The following MAP4K3 variants were observed in gnomAD, a reference collection of about 807,000 sequenced individuals.
MAP4K3 encodes the protein MAPK/ERK kinase kinase kinase 3.
Under a neutral mutation model 143.5 loss-of-function variants are expected in MAP4K3, and 94 were observed. That is an observed-to-expected ratio of 0.65 (90% CI 0.55 to 0.78). The LOEUF (loss-of-function observed/expected upper bound fraction) is 0.78. Ranked by LOEUF, MAP4K3 falls within the 30% of genes least tolerant of loss-of-function variation. MAP4K3 has a pLI of 0.00. For synonymous variants in MAP4K3, 416 were observed against 347.2 expected, an observed-to-expected ratio of 1.20 and a Z score of -2.20; for missense variants, 1,077 against 1,068.1, an observed-to-expected ratio of 1.01 and a Z score of -0.12.
At chr2:39,264,633 T>C (rs1008977719) in intron 28 of MAP4K3, among the ~76,000 whole-genome samples, 4 of 152,232 alleles carry the variant, frequency 2.6e-5, no homozygotes, top group African/African-American at 9.6e-5. Flanking sequence ...ATTTCCTTGA[T>C]GTAATTAACT....
chr2:39,339,601 C>T (rs1443695144), intron 4 of MAP4K3, among the ~76,000 whole-genome samples: 1 of 152,120 alleles, frequency 6.6e-6, no homozygotes. Flanking sequence ...AGAGCTAAAA[C>T]AAACACCCAC....
chr2:39,436,841 G>C, intron 1 of MAP4K3, 51 bp downstream of exon 1: 3 of 1,516,718 alleles, frequency 2.0e-6, no homozygotes, highest in Non-Finnish European at 2.7e-6. Flanking sequence ...CCCAGGCTTG[G>C]CTGCGGGTCG....
Position 39,272,368 on chromosome 2 carries a change from G to C in MAP4K3, c.1888C>G (p.Pro630Ala). Reference sequence around the variant, plus strand: ...TGTCTTGCATAATCAAAAAGCCCTGGTAAATTATGGGAATAAAGCTGAGAA... The same window carrying C: ...TGTCTTGCATAATCAAAAAGCCCTGCTAAATTATGGGAATAAAGCTGAGAA... ...KASQLYSHNL[P>A]GLFDYARQMQ... Residue 630 changes from proline (P) to alanine (A), a missense_variant, in exon 26 of 34, where the codon CCA becomes GCA. Physicochemically the swap from Pro to Ala is conservative, Grantham distance 27 (BLOSUM62 -1). Transcript: ENST00000263881. The C allele has an allele frequency of 1.9e-6, 3 of 1,613,644 alleles. No homozygotes were observed. Among genetic ancestry groups the C allele is most frequent in the Non-Finnish European group, 2.5e-6 (3 of 1,179,776 alleles).
rs945560433 is a variant in MAP4K3, at chr2:39,249,877, T to G, written c.*741A>C. The G allele has an allele frequency of 1.3e-5, 2 of 152,474 alleles. No homozygotes were observed. Among genetic ancestry groups the G allele is most frequent in the African/African-American group, 4.8e-5 (2 of 41,476 alleles). The allele number at this position is 152,474 out of a possible 1,614,324, so 9.4% of individuals were successfully genotyped here. ...GACAAGCAATCTTACAGGATTCTGC[T>G]TAAATATAAAAAGACCAGTTACTAC... On this transcript the variant is annotated 3_prime_UTR_variant, in exon 34 of 34. Transcript: ENST00000263881.
rs549299894 is a variant in MAP4K3 at position 39,328,200 on chromosome 2, G to A, written c.531-1923C>T. Among the ~76,000 whole-genome samples, 257 of 152,154 alleles carry A rather than the reference G, an allele frequency of 1.7e-3. 3 individuals are homozygous for A. Among genetic ancestry groups the A allele is most frequent in the African/African-American group, 5.9e-3 (247 of 41,524 alleles). On this transcript the variant is annotated intron_variant, in intron 8 of 33. Transcript: ENST00000263881. The stretch of plus-strand genomic sequence containing the variant: ...GCAAAAATTAGCTGGGCATGGTGGC[G>A]CATGCCTGTGGTTCTAGTTACTTGG...
chr2:39,351,996 A>G, intron 3 of MAP4K3, among the ~76,000 whole-genome samples: 1 of 152,326 alleles, frequency 6.6e-6, no homozygotes, highest in East Asian at 1.9e-4. Flanking sequence ...TCTATTCTAA[A>G]TAGTTTTTAC....
chr2:39,267,608 G>A (rs1406338470), intron 26 of MAP4K3, among the ~76,000 whole-genome samples: 2 of 151,606 alleles, frequency 1.3e-5, no homozygotes, highest in Non-Finnish European at 2.9e-5. Flanking sequence ...AGGAGGTGGA[G>A]GATGTGGTGA....
intron 13 of MAP4K3, among the ~76,000 whole-genome samples, chr2:39,310,685 T>C (rs958874876): frequency 3.0e-4 from 46 of 152,242 alleles, no homozygotes; most frequent in Admixed American, 2.9e-3. Flanking sequence ...GTGGCTGTAC[T>C]AATTTACATT....
chr2:39,375,234 G>A (rs368376804), intron 2 of MAP4K3, among the ~76,000 whole-genome samples: 1 of 152,026 alleles, frequency 6.6e-6, no homozygotes, highest in Admixed American at 6.6e-5. Flanking sequence ...ACTCCAGCCT[G>A]GGCTACAGTG....
intron 3 of MAP4K3, among the ~76,000 whole-genome samples, chr2:39,347,010 GAGTCCCTGAGACATTTTC>G (rs1665311811): frequency 6.6e-6 from 1 of 152,000 alleles, no homozygotes; most frequent in African/African-American, 2.4e-5. Context: ...GGTCCCATGA[GAGTCCCTGAGACATTTTC>G]AGAGGGCCAC....
At position 39,351,852 on chromosome 2, in the gene MAP4K3, T is replaced by C. The variant is rs564473762; in HGVS notation, c.245+4397A>G. 1.3e-3 allele frequency among the ~76,000 whole-genome samples: 198 copies of C among 152,226 alleles called. 3 individuals carry two copies. The highest frequency in any genetic ancestry group is 4.6e-3 in the African/African-American group (192 of 41,558). ...CCCAGCTAATTTTTTGTATTTTTAA[T>C]AGAGATGGGAGTTTTGCCACGTTGG... is the stretch of plus-strand genomic sequence containing the variant. On this transcript the variant is annotated intron_variant, in intron 3 of 33. Coordinates refer to ENST00000263881, the MANE Select transcript of MAP4K3 (RefSeq NM_003618.4).
chr2:39,283,297 T>C (rs1222166887), intron 21 of MAP4K3, among the ~76,000 whole-genome samples: 2 of 152,200 alleles, frequency 1.3e-5, no homozygotes, highest in Admixed American at 6.5e-5. Context: ...TGGTTCTTTC[T>C]AGTCTCACAG....
intron 1 of MAP4K3, among the ~76,000 whole-genome samples, chr2:39,409,698 G>T (rs973572105): frequency 1.3e-5 from 2 of 152,156 alleles, no homozygotes; most frequent in Non-Finnish European, 2.9e-5. Context: ...ACTCAGAGTT[G>T]AAAATAAACA....
At chr2:39,348,958 T>A (rs1298457233) in intron 3 of MAP4K3, among the ~76,000 whole-genome samples, 1 of 152,202 alleles carries the variant, frequency 6.6e-6, no homozygotes, top group Non-Finnish European at 1.5e-5. Context: ...AAATATAGCA[T>A]AATTTAAACA....
intron 1 of MAP4K3, among the ~76,000 whole-genome samples, chr2:39,415,005 T>C (rs1667333250): frequency 1.3e-5 from 2 of 152,188 alleles, no homozygotes; most frequent in South Asian, 4.1e-4. Flanking sequence ...TTAAATATTA[T>C]CACCAACAAT....
chr2:39,386,957 A>C (rs1265153178), intron 1 of MAP4K3, among the ~76,000 whole-genome samples: 1 of 151,746 alleles, frequency 6.6e-6, no homozygotes, highest in Non-Finnish European at 1.5e-5. Context: ...GTGGGACTGC[A>C]GGTGTGCCAC....
At chr2:39,279,354 T>C (rs778082352) in intron 23 of MAP4K3, among the ~76,000 whole-genome samples, 3 of 152,184 alleles carry the variant, frequency 2.0e-5, no homozygotes, top group East Asian at 1.9e-4. Flanking sequence ...CTAGCACCAA[T>C]TGGCTATAAA....
Position 39,254,519 on chromosome 2 carries a change from C to T in MAP4K3, c.2472G>A (p.Val824=), listed in dbSNP as rs145175550. Residue 824 remains valine (V), a splice_region_variant and synonymous_variant, in exon 32 of 34, where the codon GTG becomes GTA. Transcript: ENST00000263881. ...AAGCTAGCACACTGTCTTGTAGGCACACTAGCAGGCAAGAACAGCTCAATT... is the reference window on the plus strand; with the variant it reads ...AAGCTAGCACACTGTCTTGTAGGCATACTAGCAGGCAAGAACAGCTCAATT... The part of the protein sequence containing the change: ...LTFDFQIESI[V]CLQDSVLAFW... The T allele has an allele frequency of 3.3e-5, 54 of 1,612,758 alleles. No individual in the cohort carries two copies. The highest frequency in any genetic ancestry group is 4.1e-5 in the Non-Finnish European group (48 of 1,179,214).
intron 24 of MAP4K3, among the ~76,000 whole-genome samples, chr2:39,277,865 G>C (rs768196867): frequency 6.6e-6 from 1 of 151,434 alleles, no homozygotes; most frequent in Non-Finnish European, 1.5e-5. Context: ...CATGCTCGGC[G>C]TCATGAGGAT....
Sources: gnomAD v4.1 joint callset for allele counts (sites outside exome capture counted in the v4.1 genomes callset) on GRCh38, gnomAD v4.1.1 for gene constraint, MANE v1.5 for transcripts, NCBI Gene and HGNC (gene_info 2026-07-23, HGNC 2026-07-21) for gene names.